The following WARS2 variants were observed in gnomAD, a reference collection of about 807,000 sequenced individuals.
WARS2 encodes the protein tryptophan--tRNA ligase, mitochondrial.
WARS2 carries 28 observed loss-of-function variants against 36.5 expected under a neutral mutation model. The observed-to-expected ratio is 0.77, with a 90% CI of 0.57 to 1.05. The LOEUF (loss-of-function observed/expected upper bound fraction) is 1.05. WARS2 is among the 50% of genes least tolerant of loss of function. WARS2 has a pLI of 0.00. For missense variants in WARS2, 435 were observed against 456.8 expected (o/e 0.95, Z 0.44); for synonymous variants, 174 against 178.4 (o/e 0.98, Z 0.20).
At chr1:119,135,080 G>C (rs1656390196) in intron 1 of WARS2, among the ~76,000 whole-genome samples, 1 of 152,212 alleles carries the variant, frequency 6.6e-6, no homozygotes, top group South Asian at 2.1e-4. Context: ...TGTAGCTTAA[G>C]ATCAATAGAA....
chr1:119,049,153 G>C (rs1649122264), intron 2 of WARS2, among the ~76,000 whole-genome samples: 1 of 152,126 alleles, frequency 6.6e-6, no homozygotes. Context: ...GGACATCGAG[G>C]GGAGCACATC....
Position 119,045,677 on chromosome 1 carries a change from T to C in WARS2, c.349-15A>G, listed in dbSNP as rs771947196. ...TGTTCAGACACCTAAAGAAATAAAATAGAACATTAGTAAAGGTGGCCAGTG... is the reference window on the plus strand; with the variant it reads ...TGTTCAGACACCTAAAGAAATAAAACAGAACATTAGTAAAGGTGGCCAGTG... On this transcript the variant is annotated splice_polypyrimidine_tract_variant and intron_variant, in intron 2 of 5. Transcript: ENST00000235521. The C allele has an allele frequency of 1.9e-6, 3 of 1,568,444 alleles. No individual in the cohort carries two copies. Among genetic ancestry groups the C allele is most frequent in the East Asian group, 2.3e-5 (1 of 43,554 alleles).
At chr1:119,105,147 G>A (rs1176020657) in intron 1 of WARS2, among the ~76,000 whole-genome samples, 1 of 152,150 alleles carries the variant, frequency 6.6e-6, no homozygotes, top group East Asian at 1.9e-4. Context: ...ATACCTGGAA[G>A]GGAATTTCAA....
At chr1:119,140,513 G>A in intron 1 of WARS2, 42 bp downstream of exon 1, 2 of 1,584,758 alleles carry the variant, frequency 1.3e-6, no homozygotes, top group Non-Finnish European at 1.7e-6. Flanking sequence ...GAAGAACCTC[G>A]CGGGATGGGA....
chr1:119,096,591 G>T lies in WARS2; in HGVS notation c.91-19984C>A, dbSNP rs988401207. On this transcript the variant is annotated intron_variant, in intron 1 of 5. Coordinates refer to ENST00000235521, the MANE Select transcript of WARS2 (RefSeq NM_015836.4). ...CACTCAAACTGTAATAATTTTAAAT[G>T]CAATTTACTTATGAGTTTTTGAGAC... Among the ~76,000 whole-genome samples the T allele has an allele frequency of 4.6e-5, 7 of 152,072 alleles. No individual in the cohort carries two copies. The East Asian group carries it at 1.4e-3, about 29-fold the overall frequency.
chr1:119,126,785 C>A, intron 1 of WARS2: 2 of 738,954 alleles, frequency 2.7e-6, no homozygotes, highest in Non-Finnish European at 5.0e-6. Context: ...TATTGACCAC[C>A]TCTTTCCAGT....
intron 1 of WARS2, among the ~76,000 whole-genome samples, chr1:119,109,978 C>T (rs12408286): frequency 0.18 from 26,890 of 151,722 alleles, 3,495 homozygotes; most frequent in East Asian, 0.47. Context: ...TGAAATAACA[C>T]CTACTGCTTC....
intron 3 of WARS2, among the ~76,000 whole-genome samples, 166 bp downstream of exon 3, chr1:119,045,416 C>T (rs1289514463): frequency 1.3e-5 from 2 of 152,124 alleles, no homozygotes; most frequent in Non-Finnish European, 2.9e-5. Context: ...CTTGGAAAAT[C>T]CTTTTATTTT....
chr1:119,042,133 T>C, intron 4 of WARS2, 131 bp downstream of exon 4: 2 of 695,164 alleles, frequency 2.9e-6, no homozygotes, highest in South Asian at 2.0e-5. Flanking sequence ...GGGGAATAGA[T>C]ATAAACTGAT....
rs17023108 is a variant in WARS2 at position 119,034,281 on chromosome 1, G to A, written c.516-68C>T. The A allele has an allele frequency of 4.5e-3, 5,658 of 1,259,098 alleles. 200 individuals are homozygous for A. The African/African-American group carries it at 0.072, about 16-fold the overall frequency. The allele number at this position is 1,259,098 out of a possible 1,614,324, so 78.0% of individuals were successfully genotyped here. A position where few individuals can be genotyped will look rare whatever the true frequency, so the allele number is the denominator to read the frequency against. ...CTTAGAGACAGAAATGATATTGCAA[G>A]CAGCTGCATTTCCTGTGAATATTTC... On this transcript the variant is annotated intron_variant, in intron 4 of 5. Coordinates refer to ENST00000235521, the MANE Select transcript of WARS2 (RefSeq NM_015836.4).
intron 2 of WARS2, among the ~76,000 whole-genome samples, chr1:119,057,626 C>T (rs1456776124): frequency 4.6e-5 from 7 of 151,680 alleles, no homozygotes; most frequent in Admixed American, 3.3e-4. Flanking sequence ...CCCGTCTCTA[C>T]TAACAATATA....
chr1:119,041,759 T>C (rs566595467), intron 4 of WARS2, among the ~76,000 whole-genome samples: 2 of 152,138 alleles, frequency 1.3e-5, no homozygotes, highest in East Asian at 3.9e-4. Flanking sequence ...TGTAAAATGC[T>C]TGAAGTTTAA....
At chr1:119,058,857 A>C (rs546077779) in intron 2 of WARS2, among the ~76,000 whole-genome samples, 206 of 148,462 alleles carry the variant, frequency 1.4e-3, no homozygotes, top group African/African-American at 5.1e-3. Context: ...TGGTATTTCC[A>C]GTTCTAGATC....
intron 1 of WARS2, among the ~76,000 whole-genome samples, chr1:119,095,540 C>A (rs1013436344): frequency 6.6e-6 from 1 of 152,142 alleles, no homozygotes; most frequent in Non-Finnish European, 1.5e-5. Flanking sequence ...TCAAGGGATT[C>A]TCCTGCCTCA....
rs139427133 is a variant in WARS2, at chr1:119,109,504, G to A, written c.90+31051C>T. 3.6e-4 allele frequency among the ~76,000 whole-genome samples: 54 copies of A among 151,982 alleles called. No homozygotes were observed. The East Asian group carries it at 3.9e-3, about 11-fold the overall frequency. ...GTCTGTTCCGTCTGAAATTAATACA[G>A]TTGATCCCCTTTTAGCTAGTTTCTT... On this transcript the variant is annotated intron_variant, in intron 1 of 5. Transcript: ENST00000235521.
At chr1:119,135,056 C>T (rs1301522921) in intron 1 of WARS2, among the ~76,000 whole-genome samples, 1 of 152,186 alleles carries the variant, frequency 6.6e-6, no homozygotes, top group Non-Finnish European at 1.5e-5. Flanking sequence ...CTGCTATTAT[C>T]TCATGTACTC....
chr1:119,094,037 T>A (rs1653248327), intron 1 of WARS2, among the ~76,000 whole-genome samples: 1 of 152,218 alleles, frequency 6.6e-6, no homozygotes, highest in South Asian at 2.1e-4. Context: ...ATAGACCATG[T>A]CAAATAAACA....
chr1:119,131,358 G>C (rs587640866), intron 1 of WARS2, among the ~76,000 whole-genome samples: 1 of 152,072 alleles, frequency 6.6e-6, no homozygotes, highest in African/African-American at 2.4e-5. Context: ...GAGTAGCTCC[G>C]AGGAAACTTG....
chr1:119,126,420 G>T, intron 1 of WARS2: 1 of 350,482 alleles, frequency 2.9e-6, no homozygotes, highest in Non-Finnish European at 5.3e-6. Context: ...GTTCTACATC[G>T]TTACAAATAT....
Sources: allele counts gnomAD v4.1 joint callset (sites outside exome capture counted in the v4.1 genomes callset), GRCh38; gene constraint gnomAD v4.1.1; transcripts MANE v1.5; gene names NCBI Gene and HGNC (gene_info 2026-07-23, HGNC 2026-07-21).